RYR1: variants seen among roughly 807,000 people sequenced by gnomAD.
RYR1 encodes the protein ryanodine receptor 1, also known as central core disease of muscle.
RYR1 carries 342 observed loss-of-function variants against 583.5 expected under a neutral mutation model. The ratio of observed to expected loss-of-function variants is 0.59; its 90% CI spans 0.54 to 0.64. The LOEUF is 0.64. Ranked by LOEUF, RYR1 falls within the 30% of genes least tolerant of loss-of-function variation. The pLI is 0.00. For synonymous variants in RYR1, 2,791 were observed against 2,822.5 expected, an observed-to-expected ratio of 0.99 and a Z score of 0.35; for missense variants, 6,032 against 6,917.2, an observed-to-expected ratio of 0.87 and a Z score of 4.54.
chr19:38,490,616 C>T lies in RYR1; in HGVS notation c.6016-5C>T. ...CCCTCATTCTAATCTTTGACCTTCC[C>T]CTAGATCAATATGCTATTGCAATTC... On this transcript the variant is annotated splice_polypyrimidine_tract_variant and splice_region_variant and intron_variant, in intron 36 of 105. Coordinates refer to ENST00000359596, the MANE Select transcript of RYR1 (RefSeq NM_000540.3). The T allele has an allele frequency of 6.3e-7, 1 of 1,575,652 alleles. No homozygotes were observed. The highest frequency in any genetic ancestry group is 1.7e-4 in the Middle Eastern group (1 of 5,978).
intron 101 of RYR1, among the ~76,000 whole-genome samples, chr19:38,580,915 T>G (rs1974174504): frequency 6.6e-6 from 1 of 151,462 alleles, no homozygotes; most frequent in Non-Finnish European, 1.5e-5. Flanking sequence ...TTTTTTTTTT[T>G]TTGAGATGGA....
intron 63 of RYR1, 27 bp from the exon 64 acceptor site, chr19:38,514,999 C>T (rs751667307): frequency 6.3e-7 from 1 of 1,576,556 alleles, no homozygotes; most frequent in African/African-American, 1.3e-5. Context: ...GAGCGCATGC[C>T]GCAGCCTCGC....
rs565751360 is a variant in RYR1, at chr19:38,452,770, C to G, written c.1245-49C>G. 10 of 1,514,726 alleles carry G rather than the reference C, an allele frequency of 6.6e-6. No individual in the cohort carries two copies. The African/African-American group carries it at 1.4e-4, about 21-fold the overall frequency. The allele number at this position is 1,514,726 out of a possible 1,614,324, so 93.8% of individuals were successfully genotyped here. A position where few individuals can be genotyped will look rare whatever the true frequency, so the allele number is the denominator to read the frequency against. ...GAGTGAGGTTGCGGCAGTGACGTTG[C>G]GGCAGTTAGCGCTCCCAGCCGTGGC... On this transcript the variant is annotated intron_variant, in intron 12 of 105. Transcript: ENST00000359596.
intron 65 of RYR1, among the ~76,000 whole-genome samples, chr19:38,516,702 GGGAA>G (rs1370960461): frequency 6.6e-6 from 1 of 152,128 alleles, no homozygotes; most frequent in African/African-American, 2.4e-5. Flanking sequence ...AGAGGATTGA[GGGAA>G]GGCAGGGTTC....
chr19:38,499,957 A>G lies in RYR1; in HGVS notation c.7264A>G (p.Ile2422Val), dbSNP rs753798863. The stretch of plus-strand genomic sequence containing the variant: ...AAACCGGGTGCACCTGGGACACGCC[A>G]TCATGTCCTTCTATGCCGCCTTGAT... The part of the protein sequence containing the change: ...EENRVHLGHA[I>V]MSFYAALIDL... The change falls in exon 45 of 106, where the codon ATC becomes GTC. Residue 2422 changes from isoleucine (I) to valine (V), a missense_variant. This residue lies in a region of RYR1 where 2,627 missense variants were observed against 2,961.3 expected (regional missense o/e 0.89). Coordinates refer to ENST00000359596, the MANE Select transcript of RYR1 (RefSeq NM_000540.3). This position sits in a 1 kb window ranked among gnomAD's most constrained non-coding sequence, Gnocchi z 7.3. 7 of 1,611,800 alleles carry G rather than the reference A, an allele frequency of 4.3e-6. No individual in the cohort carries two copies. In the Admixed American group the frequency reaches 5.0e-5, roughly 12 times the overall value.
At chr19:38,527,958 T>C (rs1338936797) in intron 73 of RYR1, 174 bp downstream of exon 73, 5 of 638,976 alleles carry the variant, frequency 7.8e-6, no homozygotes, top group East Asian at 3.1e-5. Flanking sequence ...AGGGGTCTGC[T>C]GCTTAATCTT....
At chr19:38,473,015 CAAA>C (rs199613372) in intron 27 of RYR1, among the ~76,000 whole-genome samples, 5 of 74,550 alleles carry the variant, frequency 6.7e-5, no homozygotes, top group African/African-American at 4.3e-5. Flanking sequence ...GACTGTGTCT[CAAA>C]AAAAAAAAAA....
In RYR1 at chr19:38,573,400, G is replaced by A. The variant is rs369903064; in HGVS notation, c.14129+93G>A. 76 of 1,495,252 alleles carry A rather than the reference G, an allele frequency of 5.1e-5. 1 individual carries two copies. In the East Asian group the frequency reaches 6.7e-4, roughly 13 times the overall value. The allele number at this position is 1,495,252 out of a possible 1,614,324, so 92.6% of individuals were successfully genotyped here. A position where few individuals can be genotyped will look rare whatever the true frequency, so the allele number is the denominator to read the frequency against. The stretch of plus-strand genomic sequence containing the variant: ...TGGACCCCAAAAAACTAGGGTTTCG[G>A]TCCGGGCACGGTGGCTCACACCTGT... On this transcript the variant is annotated intron_variant, in intron 96 of 105. Transcript: ENST00000359596.
chr19:38,586,225 G>A (rs1974482176), intron 104 of RYR1, 34 bp downstream of exon 104: 2 of 1,592,638 alleles, frequency 1.3e-6, no homozygotes, highest in South Asian at 1.1e-5. Flanking sequence ...AGGAGGGTGG[G>A]GGGCATGGCT....
intron 58 of RYR1, 62 bp downstream of exon 58, chr19:38,507,889 G>C: frequency 3.0e-6 from 3 of 993,928 alleles, no homozygotes; most frequent in Non-Finnish European, 3.2e-6. Flanking sequence ...CTGCAGACCA[G>C]ACTCACCTAG....
In RYR1 at chr19:38,477,776, CCTGA is replaced by C; in HGVS notation, c.4363_4366del (p.Asp1455ThrfsTer6). The stretch of plus-strand genomic sequence containing the variant: ...CTGCGTGTGGGCGGGCTGGGTCACC[CCTGA>C]CTACCATCAGCACGACATGAGCTTC... On this transcript the variant is annotated frameshift_variant, in exon 30 of 106. Coordinates refer to ENST00000359596, the MANE Select transcript of RYR1 (RefSeq NM_000540.3). LOFTEE classifies it high-confidence loss of function. The C allele has an allele frequency of 6.2e-7, 1 of 1,614,116 alleles. No homozygotes were observed. The highest frequency in any genetic ancestry group is 8.5e-7 in the Non-Finnish European group (1 of 1,180,020).
At position 38,511,561 on chromosome 19, in the gene RYR1, C is replaced by T. The variant is rs368803042; in HGVS notation, c.9123C>T (p.Ser3041=). 1.2e-6 allele frequency: 2 copies of T among 1,613,902 alleles called. No homozygotes were observed. The highest frequency in any genetic ancestry group is 1.7e-6 in the Non-Finnish European group (2 of 1,180,036). ...CTTCTGTCCCTTTCTCTTTCTTCAGCCTCTTCTGCAAACTTGCTGCTCTCG... is the reference window on the plus strand; with the variant it reads ...CTTCTGTCCCTTTCTCTTTCTTCAGTCTCTTCTGCAAACTTGCTGCTCTCG... ...ASNKEKEMIT[S]LFCKLAALVR... Residue 3041 remains serine (S), a splice_region_variant and synonymous_variant, in exon 61 of 106, where the codon AGC becomes AGT. Coordinates refer to ENST00000359596, the MANE Select transcript of RYR1 (RefSeq NM_000540.3).
intron 65 of RYR1, among the ~76,000 whole-genome samples, 184 bp downstream of exon 65, chr19:38,516,401 G>A (rs888566744): frequency 1.6e-4 from 24 of 152,222 alleles, no homozygotes; most frequent in Middle Eastern, 3.2e-3. Flanking sequence ...TTTCAAGGCC[G>A]TTACATGGGG....
At chr19:38,546,019 C>G (rs1972406667) in intron 87 of RYR1, among the ~76,000 whole-genome samples, 1 of 152,190 alleles carries the variant, frequency 6.6e-6, no homozygotes, top group Non-Finnish European at 1.5e-5. Flanking sequence ...AACCCAGAGT[C>G]CCACTCTTGC....
At chr19:38,488,533 C>T (rs967812884) in intron 34 of RYR1, among the ~76,000 whole-genome samples, 3 of 152,184 alleles carry the variant, frequency 2.0e-5, no homozygotes, top group Middle Eastern at 3.4e-3. Flanking sequence ...ACAGACTCTC[C>T]GTCTGTCATG....
chr19:38,484,392 C>T, intron 33 of RYR1, among the ~76,000 whole-genome samples: 1 of 151,044 alleles, frequency 6.6e-6, no homozygotes, highest in Non-Finnish European at 1.5e-5. Flanking sequence ...CCCTCCTTCC[C>T]TCTCTCCTTC....
chr19:38,454,297 C>A (rs1967249249), intron 13 of RYR1, among the ~76,000 whole-genome samples: 1 of 152,254 alleles, frequency 6.6e-6, no homozygotes, highest in African/African-American at 2.4e-5. Flanking sequence ...GCCTCCACCT[C>A]CCAAAGAGCT....
chr19:38,502,790 G>GGCAGGGGCAGGGGCAGGGGGAGGA (rs1211946994), intron 48 of RYR1, 63 bp downstream of exon 48: 105 of 1,110,172 alleles, frequency 9.5e-5, no homozygotes, highest in Non-Finnish European at 1.2e-4. Context: ...CAGGGGCAGG[G>GGCAGGGGCAGGGGCAGGGGGAGGA]GCAGGGGCAG....
intron 91 of RYR1, among the ~76,000 whole-genome samples, chr19:38,566,200 G>C (rs1281975187): frequency 4.6e-5 from 7 of 151,930 alleles, no homozygotes; most frequent in Admixed American, 4.6e-4. Flanking sequence ...TGTGATCCCA[G>C]CACTTTGGGA....
Sources: gnomAD v4.1 joint callset for allele counts (sites outside exome capture counted in the v4.1 genomes callset) on GRCh38, gnomAD v4.1.1 for gene constraint, gnomAD v4.1.1 regional missense constraint, Gnocchi (gnomAD v3.1) non-coding constraint, MANE v1.5 for transcripts, NCBI Gene and HGNC (gene_info 2026-07-23, HGNC 2026-07-21) for gene names.